Variants in SPECC1 observed in about 807,000 individuals in gnomAD.
The protein encoded by SPECC1 is sperm antigen with calponin homology and coiled-coil domains 1, also known as cytospin-B.
Under a neutral mutation model 104.1 loss-of-function variants are expected in SPECC1, and 62 were observed. That is an observed-to-expected ratio of 0.60 (90% CI 0.49 to 0.74). SPECC1 has a LOEUF of 0.74. Among genes scored for constraint, SPECC1 ranks in the 30% least tolerant of loss-of-function variants. SPECC1 has a pLI of 0.00. For missense variants in SPECC1, 1,306 were observed against 1,310.5 expected, an observed-to-expected ratio of 1.00 and a Z score of 0.05; for synonymous variants, 513 against 501.6, an observed-to-expected ratio of 1.02 and a Z score of -0.30.
intron 3 of SPECC1, 43 bp from the exon 4 acceptor site, chr17:20,204,290 T>C (rs531744764): frequency 6.4e-7 from 1 of 1,569,714 alleles, no homozygotes; most frequent in South Asian, 1.2e-5. Flanking sequence ...TTTATAAGAA[T>C]GCTTGCTTTA....
At chr17:20,203,152 T>C (rs1284544591) in intron 3 of SPECC1, among the ~76,000 whole-genome samples, 1 of 152,124 alleles carries the variant, frequency 6.6e-6, no homozygotes, top group Non-Finnish European at 1.5e-5. Flanking sequence ...GTGCCCTTCC[T>C]ACACTGTAGA....
intron 12 of SPECC1, among the ~76,000 whole-genome samples, chr17:20,287,366 G>A (rs1006966866): frequency 2.8e-5 from 4 of 143,472 alleles, no homozygotes; most frequent in African/African-American, 7.9e-5. Flanking sequence ...GCAGTGAGCC[G>A]AGATTGCGCC....
At chr17:20,248,979 C>T (rs1035121861) in intron 9 of SPECC1, among the ~76,000 whole-genome samples, 43 of 152,204 alleles carry the variant, frequency 2.8e-4, no homozygotes, top group African/African-American at 1.0e-3. Flanking sequence ...CCCATAGAAA[C>T]ATGGGTTTGG....
intron 1 of SPECC1, among the ~76,000 whole-genome samples, chr17:20,087,259 C>T (rs1480788986): frequency 6.6e-6 from 1 of 152,068 alleles, no homozygotes; most frequent in Non-Finnish European, 1.5e-5. Context: ...AGCCATCCCT[C>T]AGGAATAAAT....
At chr17:20,081,762 C>T (rs2046985132) in intron 1 of SPECC1, among the ~76,000 whole-genome samples, 1 of 152,182 alleles carries the variant, frequency 6.6e-6, no homozygotes, top group Non-Finnish European at 1.5e-5. Flanking sequence ...TGCTCTGATC[C>T]GTGCTGTAAC....
chr17:20,309,092 A>G (rs1015740456), intron 14 of SPECC1, among the ~76,000 whole-genome samples: 1 of 152,192 alleles, frequency 6.6e-6, no homozygotes, highest in Non-Finnish European at 1.5e-5. Flanking sequence ...GACACACATG[A>G]TAATTAATCT....
intron 3 of SPECC1, among the ~76,000 whole-genome samples, chr17:20,153,792 T>G (rs1046135540): frequency 6.6e-6 from 1 of 152,252 alleles, no homozygotes; most frequent in Non-Finnish European, 1.5e-5. Flanking sequence ...TGTGTCACTC[T>G]TACCATGATC....
At chr17:20,302,961 G>A (rs1406364251) in intron 13 of SPECC1, among the ~76,000 whole-genome samples, 1 of 147,290 alleles carries the variant, frequency 6.8e-6, no homozygotes, top group Non-Finnish European at 1.5e-5. Context: ...TGCATAAAAC[G>A]TTGAGTTTAA....
At chr17:20,209,709 A>G (rs903251429) in intron 4 of SPECC1, among the ~76,000 whole-genome samples, 6 of 152,222 alleles carry the variant, frequency 3.9e-5, no homozygotes, top group Non-Finnish European at 5.9e-5. Context: ...CACAGAACCC[A>G]AAGCCACCAC....
chr17:20,155,833 C>T (rs1485165413), intron 3 of SPECC1: 1 of 841,176 alleles, frequency 1.2e-6, no homozygotes, highest in South Asian at 5.5e-5. Flanking sequence ...GCGTCCCGCC[C>T]ACGGCGCGGG....
rs529560102 is a variant in SPECC1, at chr17:20,115,494, T to A, written c.283+4932T>A. Among the ~76,000 whole-genome samples, 144 of 151,212 alleles carry A rather than the reference T, an allele frequency of 9.5e-4. No individual in the cohort carries two copies. In the South Asian group the frequency reaches 0.012, roughly 13 times the overall value. ...TCAAATAAATAAATAAATAAATAAA[T>A]AAAAATAAAAAAAATTGGAGATCAA... On this transcript the variant is annotated intron_variant, in intron 3 of 14. Coordinates refer to ENST00000395527, the MANE Select transcript of SPECC1 (RefSeq NM_001243439.2).
intron 3 of SPECC1, among the ~76,000 whole-genome samples, chr17:20,118,158 A>G (rs2048856162): frequency 1.3e-5 from 2 of 152,152 alleles, no homozygotes; most frequent in South Asian, 4.1e-4. Context: ...AATTAGATAT[A>G]TAATTTCCGC....
chr17:20,221,254 T>C (rs932959720), intron 4 of SPECC1, among the ~76,000 whole-genome samples: 1 of 152,218 alleles, frequency 6.6e-6, no homozygotes, highest in Non-Finnish European at 1.5e-5. Context: ...TTTCTTTAAA[T>C]GTTTGGTAAA....
chr17:20,141,819 T>G (rs574431904), intron 3 of SPECC1, among the ~76,000 whole-genome samples: 1 of 152,218 alleles, frequency 6.6e-6, no homozygotes, highest in Admixed American at 6.5e-5. Context: ...TCTGGACTAA[T>G]GTGTGTGCTA....
chr17:20,294,701 G>A (rs759398747), intron 12 of SPECC1, among the ~76,000 whole-genome samples: 1 of 120,278 alleles, frequency 8.3e-6, no homozygotes, highest in Non-Finnish European at 1.8e-5. Flanking sequence ...TGGTTATGAA[G>A]GTACTGATGA....
intron 1 of SPECC1, among the ~76,000 whole-genome samples, chr17:20,069,729 TACTTG>T (rs895105482): frequency 6.6e-6 from 1 of 152,208 alleles, no homozygotes; most frequent in African/African-American, 2.4e-5. Flanking sequence ...TCTGTTTATT[TACTTG>T]ACTTCTTTAG....
At chr17:20,028,854 C>T (rs932693924) in intron 1 of SPECC1, among the ~76,000 whole-genome samples, 1 of 151,486 alleles carries the variant, frequency 6.6e-6, no homozygotes, top group African/African-American at 2.4e-5. Flanking sequence ...CCTCTGCCTC[C>T]TGGGTTCAAG....
In SPECC1 at chr17:20,113,434, G is replaced by A. The variant is rs532824681; in HGVS notation, c.283+2872G>A. 1.1e-4 allele frequency among the ~76,000 whole-genome samples: 17 copies of A among 151,914 alleles called. No individual in the cohort carries two copies. The East Asian group carries it at 1.2e-3, about 10-fold the overall frequency. ...GATATTTAAATTGTAAAAACTTTAC[G>A]AAAACTTGGAAAAGGTTGTTCAGGT... On this transcript the variant is annotated intron_variant, in intron 3 of 14. Transcript: ENST00000395527.
rs2042007818 is a variant in SPECC1 at position 20,314,450 on chromosome 17, G to T, written c.*385G>T. On this transcript the variant is annotated 3_prime_UTR_variant, in exon 15 of 15. Transcript: ENST00000395527. ...CCAAATCAGTCTTTTGGTTGCTGTT[G>T]TTAAAAATATCCCGGCTTTGCCTTT... 3.4e-6 allele frequency: 1 copy of T among 297,646 alleles called. No individual in the cohort carries two copies. The highest frequency in any genetic ancestry group is 7.8e-5 in the South Asian group (1 of 12,804). The allele number at this position is 297,646 out of a possible 1,614,324, so 18.4% of individuals were successfully genotyped here.
Sources: gnomAD v4.1 joint callset for allele counts (sites outside exome capture counted in the v4.1 genomes callset) on GRCh38, gnomAD v4.1.1 for gene constraint, MANE v1.5 for transcripts, NCBI Gene and HGNC (gene_info 2026-07-23, HGNC 2026-07-21) for gene names.